Variants in GRIA3 observed in about 807,000 individuals in gnomAD.
The protein encoded by GRIA3 is glutamate ionotropic receptor AMPA type subunit 3, also known as glutamate receptor 3.
Under a neutral mutation model 63.0 loss-of-function variants are expected in GRIA3, and 3 were observed. The ratio of observed to expected loss-of-function variants is 0.05; its 90% confidence interval spans 0.02 to 0.12. The LOEUF is 0.12. Ranked by LOEUF, GRIA3 falls within the 10% of genes least tolerant of loss-of-function variation. The probability of loss-of-function intolerance (pLI) is 1.00; values close to 1 mark genes in which losing one functional copy is unlikely to be tolerated. For missense variants in GRIA3, 347 were observed against 700.9 expected (o/e 0.50, Z 5.70); for synonymous variants, 274 against 257.9 (o/e 1.06, Z -0.60).
At chrX:123,373,036 C>T (rs1200352124) in intron 5 of GRIA3, among the ~76,000 whole-genome samples, 1 of 108,941 alleles carries the variant, frequency 9.2e-6, no homozygotes, top group East Asian at 2.9e-4. Flanking sequence ...CCACAACAGG[C>T]CCCGGTGTGT....
intron 4 of GRIA3, among the ~76,000 whole-genome samples, chrX:123,339,311 C>A (rs2044994507): frequency 1.8e-5 from 2 of 112,189 alleles, no homozygotes; most frequent in African/African-American, 6.5e-5. Context: ...GGCTATTATG[C>A]ACAATCCTTT....
At chrX:123,400,809 C>T (rs1176653920) in intron 7 of GRIA3, among the ~76,000 whole-genome samples, 1 of 112,126 alleles carries the variant, frequency 8.9e-6, no homozygotes, top group African/African-American at 3.2e-5. Flanking sequence ...TAAACAAATG[C>T]TTTAAAATAT....
At chrX:123,352,332 G>A (rs983325912) in intron 4 of GRIA3, among the ~76,000 whole-genome samples, 3 of 112,043 alleles carry the variant, frequency 2.7e-5, no homozygotes, top group African/African-American at 9.7e-5. Context: ...CGCCTGCCTC[G>A]GCCTCCCAAA....
intron 2 of GRIA3, among the ~76,000 whole-genome samples, chrX:123,197,365 A>T (rs771317597): frequency 2.6e-3 from 290 of 111,375 alleles, no homozygotes; most frequent in African/African-American, 9.0e-3. Flanking sequence ...TGTCTACTAA[A>T]AATACAAAAA....
chrX:123,196,791 T>C (rs1046214068), intron 2 of GRIA3, among the ~76,000 whole-genome samples: 1 of 112,227 alleles, frequency 8.9e-6, no homozygotes, highest in Non-Finnish European at 1.9e-5. Flanking sequence ...ACAAAGCCTC[T>C]GGTGCTCATT....
chrX:123,228,343 T>C (rs926710476), intron 2 of GRIA3, among the ~76,000 whole-genome samples: 5 of 111,361 alleles, frequency 4.5e-5, no homozygotes, highest in African/African-American at 1.6e-4. Flanking sequence ...TGTATTATTA[T>C]ACATTTACTG....
At chrX:123,320,247 A>G (rs2044859276) in intron 3 of GRIA3, among the ~76,000 whole-genome samples, 1 of 111,895 alleles carries the variant, frequency 8.9e-6, no homozygotes, top group African/African-American at 3.3e-5. Context: ...CCGTAAGATC[A>G]TCAAGCACAT....
chrX:123,193,657 C>G (rs1172182281), intron 2 of GRIA3, among the ~76,000 whole-genome samples: 1 of 111,958 alleles, frequency 8.9e-6, no homozygotes, highest in African/African-American at 3.2e-5. Context: ...GCAAAATTCC[C>G]CAGAAAAATT....
At chrX:123,394,006 G>A (rs954158157) in intron 5 of GRIA3, among the ~76,000 whole-genome samples, 1 of 112,391 alleles carries the variant, frequency 8.9e-6, no homozygotes, top group Non-Finnish European at 1.9e-5. Context: ...GGTGGCAGAA[G>A]CACCAGATGG....
intron 2 of GRIA3, among the ~76,000 whole-genome samples, chrX:123,250,652 T>C (rs992791795): frequency 9.0e-6 from 1 of 111,615 alleles, no homozygotes; most frequent in Non-Finnish European, 1.9e-5. Context: ...ACCCTTTGAA[T>C]CATTTTGGTT....
At chrX:123,458,999 T>C (rs1603168034) in intron 12 of GRIA3, among the ~76,000 whole-genome samples, 1 of 111,971 alleles carries the variant, frequency 8.9e-6, no homozygotes, top group Non-Finnish European at 1.9e-5. Flanking sequence ...ATAAATTCTG[T>C]CAGTAAAACA....
At chrX:123,480,289 G>T in intron 14 of GRIA3, 112 bp downstream of exon 14, 1 of 524,768 alleles carries the variant, frequency 1.9e-6, no homozygotes, top group Admixed American at 2.7e-5. Context: ...GACACAGTGG[G>T]ACCCCTTTAT....
At chrX:123,257,653 T>A (rs1335462712) in intron 3 of GRIA3, among the ~76,000 whole-genome samples, 1 of 101,309 alleles carries the variant, frequency 9.9e-6, no homozygotes, top group East Asian at 3.4e-4. Context: ...ATAGAAAATA[T>A]AATTTTACAA....
chrX:123,232,988 A>G (rs773543775), intron 2 of GRIA3, among the ~76,000 whole-genome samples: 14 of 111,028 alleles, frequency 1.3e-4, no homozygotes, highest in African/African-American at 4.3e-4. Flanking sequence ...TAATCAATGA[A>G]GGCAAAGATT....
chrX:123,381,823 G>C lies in GRIA3; in HGVS notation c.751-13145G>C, dbSNP rs545368897. Among the ~76,000 whole-genome samples the C allele has an allele frequency of 3.6e-5, 4 of 112,079 alleles. No homozygotes were observed. In the South Asian group the frequency reaches 1.5e-3, roughly 42 times the overall value. On this transcript the variant is annotated intron_variant, in intron 5 of 15. Transcript: ENST00000620443. ...GTATCAGAAAAAGAAAGATGACGAA[G>C]AGTCAACAAACTCCTGTCTTTAGCT... is the stretch of plus-strand genomic sequence containing the variant.
intron 3 of GRIA3, among the ~76,000 whole-genome samples, chrX:123,303,240 A>G (rs913959773): frequency 9.0e-6 from 1 of 111,207 alleles, no homozygotes; most frequent in Non-Finnish European, 1.9e-5. Flanking sequence ...TCATAAAATC[A>G]TTCACTTGTT....
intron 3 of GRIA3, among the ~76,000 whole-genome samples, chrX:123,305,454 T>C (rs1453326712): frequency 8.9e-6 from 1 of 112,506 alleles, no homozygotes; most frequent in Admixed American, 9.4e-5. Context: ...TTTCTACACA[T>C]ACCCAAAAGA....
chrX:123,425,140 T>C (rs906471351), intron 11 of GRIA3, among the ~76,000 whole-genome samples: 1 of 111,649 alleles, frequency 9.0e-6, no homozygotes, highest in Non-Finnish European at 1.9e-5. Flanking sequence ...TATTTCTCAG[T>C]GTTTGGAGAA....
intron 2 of GRIA3, among the ~76,000 whole-genome samples, chrX:123,224,909 A>C: frequency 8.9e-6 from 1 of 112,125 alleles, no homozygotes; most frequent in East Asian, 2.8e-4. Flanking sequence ...TCATAGTTTT[A>C]AAATGTCACC....
Sources: gnomAD v4.1 joint callset for allele counts (sites outside exome capture counted in the v4.1 genomes callset) on GRCh38, gnomAD v4.1.1 for gene constraint, MANE v1.5 for transcripts, NCBI Gene and HGNC (gene_info 2026-07-23, HGNC 2026-07-21) for gene names.